UNC45A: variants seen among roughly 807,000 people sequenced by gnomAD.
UNC45A encodes the protein unc-45 myosin chaperone A.
Under a neutral mutation model 103.2 loss-of-function variants are expected in UNC45A, and 78 were observed. That is an observed-to-expected ratio of 0.76 (90% CI 0.63 to 0.91). The LOEUF is 0.91. Among genes scored for constraint, UNC45A ranks in the 40% least tolerant of loss-of-function variants. The probability of loss-of-function intolerance (pLI) is 0.00; values close to 1 mark genes in which losing one functional copy is unlikely to be tolerated. For missense variants in UNC45A, 1,193 were observed against 1,224.8 expected (o/e 0.97, Z 0.39); for synonymous variants, 495 against 504.6 (o/e 0.98, Z 0.25).
At chr15:90,952,690 G>C in intron 17 of UNC45A, 1 of 508,504 alleles carries the variant, frequency 2.0e-6, no homozygotes, top group African/African-American at 1.9e-5. Flanking sequence ...CTTCCAGAGT[G>C]CTGGGATTAC....
chr15:90,939,890 G>C, intron 5 of UNC45A, 67 bp downstream of exon 5: 2 of 1,352,382 alleles, frequency 1.5e-6, no homozygotes, highest in African/African-American at 1.8e-5. Context: ...GGCCCCCGAA[G>C]CCACTGCTGC....
At position 90,953,296 on chromosome 15, in the gene UNC45A, CG is replaced by C; in HGVS notation, c.2564del (p.Arg855ProfsTer5). On this transcript the variant is annotated frameshift_variant, in exon 19 of 20. Transcript: ENST00000418476. LOFTEE classifies it high-confidence loss of function. Reference sequence around the variant, plus strand: ...CTCCATGCGGCCCACGCTCTGCAGCCGCATTCCCCAAGTGGTCAGTGCCTCT... The same window carrying C: ...CTCCATGCGGCCCACGCTCTGCAGCCCATTCCCCAAGTGGTCAGTGCCTCT... ...LTSMRPTLCS[R>X]IPQVTTHWLE... The C allele has an allele frequency of 6.2e-7, 1 of 1,609,718 alleles. No individual in the cohort carries two copies. The highest frequency in any genetic ancestry group is 1.1e-5 in the South Asian group (1 of 90,506).
rs374140812 is a variant in UNC45A, at chr15:90,935,380, G to A, written c.51+5G>A. 2.9e-4 allele frequency: 459 copies of A among 1,592,300 alleles called. 1 individual carries two copies. Among genetic ancestry groups the A allele is most frequent in the Non-Finnish European group, 7.1e-5 (83 of 1,169,758 alleles). On this transcript the variant is annotated splice_donor_5th_base_variant and intron_variant, in intron 1 of 19. Transcript: ENST00000418476. ...CCCCGGCCGGCCACCCCCGGGGTGC[G>A]TACCCAACCCCCGCGCCATCACCCC...
chr15:90,947,716 G>A (rs2036644927), intron 10 of UNC45A, 80 bp from the exon 11 acceptor site: 1 of 1,003,268 alleles, frequency 1.0e-6, no homozygotes, highest in African/African-American at 1.6e-5. Context: ...GTGCCAGGGA[G>A]GGAGTCCAAG....
In UNC45A at chr15:90,940,602, AC is replaced by A. The variant is rs2036244994; in HGVS notation, c.687+133del. On this transcript the variant is annotated intron_variant, in intron 6 of 19. Coordinates refer to ENST00000418476, the MANE Select transcript of UNC45A (RefSeq NM_018671.5). Reference sequence around the variant, plus strand: ...CCATCCATCCACTCTTCCACCCTCTACCCCTTACCTTATTCTAAAAAGAACT... The same window carrying A: ...CCATCCATCCACTCTTCCACCCTCTACCCTTACCTTATTCTAAAAAGAACT... 5 of 1,193,804 alleles carry A rather than the reference AC, an allele frequency of 4.2e-6. No homozygotes were observed. In the South Asian group the frequency reaches 8.6e-5, roughly 21 times the overall value. 74.0% of individuals were successfully genotyped at this position (1,193,804 alleles called of 1,614,324 possible). A position where few individuals can be genotyped will look rare whatever the true frequency, so the allele number is the denominator to read the frequency against.
intron 3 of UNC45A, 116 bp from the exon 4 acceptor site, chr15:90,936,169 A>G: frequency 1.3e-6 from 2 of 1,520,256 alleles, no homozygotes; most frequent in South Asian, 2.7e-5. Flanking sequence ...TGAAGCACCG[A>G]GCCCCACATT....
In UNC45A at chr15:90,949,309, C is replaced by A; in HGVS notation, c.1879-7C>A. ...AGGCCCCTCTCCTAAGCTGCCTCCT[C>A]CCCCAGGACAAGCCAAGCTTCGTGC... On this transcript the variant is annotated splice_polypyrimidine_tract_variant and splice_region_variant and intron_variant, in intron 13 of 19. Transcript: ENST00000418476. The A allele has an allele frequency of 6.2e-7, 1 of 1,610,272 alleles. No homozygotes were observed. The highest frequency in any genetic ancestry group is 1.1e-5 in the South Asian group (1 of 91,036).
intron 18 of UNC45A, 52 bp downstream of exon 18, chr15:90,953,098 GC>G: frequency 6.2e-7 from 1 of 1,613,354 alleles, no homozygotes. Flanking sequence ...AGGTACCTGT[GC>G]CCTGGCTGGG....
In UNC45A at chr15:90,942,579, G is replaced by A. The variant is rs1459316412; in HGVS notation, c.830G>A (p.Arg277Gln). 8.7e-6 allele frequency: 14 copies of A among 1,614,042 alleles called. No homozygotes were observed. The highest frequency in any genetic ancestry group is 1.7e-5 in the Admixed American group (1 of 60,006). ...ALKEGVKKGF[R>Q]GKEGAIIVDP... ...AAGGAAGGTGTCAAAAAAGGCTTCC[G>A]AGGCAAAGAAGGTGCCATCATTGTG... Residue 277 changes from arginine (R) to glutamine (Q), a missense_variant, in exon 7 of 20, where the codon CGA becomes CAA. Physicochemically the swap from Arg to Gln is conservative, Grantham distance 43. Transcript: ENST00000418476.
chr15:90,935,497 T>C, intron 1 of UNC45A, 47 bp from the exon 2 acceptor site: 1 of 1,574,808 alleles, frequency 6.3e-7, no homozygotes. Context: ...GCTCCCGGGC[T>C]CTGCCCCGAA....
intron 9 of UNC45A, 133 bp from the exon 10 acceptor site, chr15:90,946,481 G>C (rs2036574930): frequency 9.8e-7 from 1 of 1,019,960 alleles, no homozygotes; most frequent in Non-Finnish European, 1.4e-6. Context: ...AAACGTCCTA[G>C]TCCTCCCATT....
Position 90,946,690 on chromosome 15 carries a change from T to C in UNC45A, c.1276T>C (p.Cys426Arg), listed in dbSNP as rs1432161498. The C allele has an allele frequency of 1.1e-5, 18 of 1,612,546 alleles. No homozygotes were observed. In the East Asian group the frequency reaches 1.8e-4, roughly 16 times the overall value. ...GGTGTCCTGCCTCCTGCAGGGCCCA[T>C]GTGACGCTGGCAACCGGGCCTTGGA... ...QTVSCLLQGP[C>R]DAGNRALELS... The change falls in exon 10 of 20, where the codon TGT becomes CGT. Residue 426 changes from cysteine (C) to arginine (R), a missense_variant. Cys to Arg is a radical substitution (Grantham distance 180, BLOSUM62 -3). Transcript: ENST00000418476.
rs758739072 is a variant in UNC45A, at chr15:90,935,954, C to A, written c.222C>A (p.Tyr74Ter). Reference sequence around the variant, plus strand: ...CTGTCTTTCTCTTACAGGAAGATTACGACAAAGCAGAAACAGAGGCATCCA... The same window carrying A: ...CTGTCTTTCTCTTACAGGAAGATTAAGACAAAGCAGAAACAGAGGCATCCA... ...RAACHLKLED[Y>*]DKAETEASKA... Residue 74 changes from tyrosine (Y) to a stop codon, truncating the protein, a stop_gained, in exon 3 of 20, where the codon TAC becomes TAA. Coordinates refer to ENST00000418476, the MANE Select transcript of UNC45A (RefSeq NM_018671.5). LOFTEE classifies it high-confidence loss of function. The A allele has an allele frequency of 6.2e-7, 1 of 1,614,012 alleles. No homozygotes were observed. Among genetic ancestry groups the A allele is most frequent in the South Asian group, 1.1e-5 (1 of 91,070 alleles).
In UNC45A at chr15:90,949,854, G is replaced by A. The variant is rs184734612; in HGVS notation, c.2073+134G>A. On this transcript the variant is annotated intron_variant, in intron 15 of 19. Transcript: ENST00000418476. ...TTAATGGCCAGAGGAACACCGTCCCGCTGAGAGAGTGACGCGGAAGCAGGC... is the reference window on the plus strand; with the variant it reads ...TTAATGGCCAGAGGAACACCGTCCCACTGAGAGAGTGACGCGGAAGCAGGC... The A allele has an allele frequency of 7.6e-5, 75 of 981,600 alleles. 1 individual carries two copies. The highest frequency in any genetic ancestry group is 2.0e-4 in the East Asian group (8 of 40,134). 60.8% of individuals were successfully genotyped at this position (981,600 alleles called of 1,614,324 possible). A position where few individuals can be genotyped will look rare whatever the true frequency, so the allele number is the denominator to read the frequency against.
upstream of UNC45A, chr15:90,934,915 G>A (rs2035924484): frequency 2.3e-6 from 1 of 438,120 alleles, no homozygotes; most frequent in Non-Finnish European, 4.0e-6. Flanking sequence ...GGTCGGGGCC[G>A]GGATCCAGAT....
At chr15:90,947,441 G>C (rs1478302932) in intron 10 of UNC45A, 3 of 302,992 alleles carry the variant, frequency 9.9e-6, no homozygotes, top group Non-Finnish European at 1.9e-5. Context: ...GGCTGTGGCT[G>C]AAGCACCTGT....
In UNC45A at chr15:90,953,599, G is replaced by A. The variant is rs2037057626; in HGVS notation, c.2718G>A (p.Met906Ile). ...IASTLMESEM[M>I]EILSVLAKGD... ...GCACCCTGATGGAGAGTGAGATGAT[G>A]GAGATCTTGTCAGTGCTAGCTAAGG... Residue 906 changes from methionine (M) to isoleucine (I), a missense_variant, in exon 20 of 20, where the codon ATG becomes ATA. Transcript: ENST00000418476. 1.2e-6 allele frequency: 2 copies of A among 1,614,034 alleles called. No individual in the cohort carries two copies. The highest frequency in any genetic ancestry group is 1.3e-5 in the African/African-American group (1 of 74,940).
At position 90,948,121 on chromosome 15, in the gene UNC45A, C is replaced by T. The variant is rs533373958; in HGVS notation, c.1596-21C>T. On this transcript the variant is annotated intron_variant, in intron 11 of 19. Coordinates refer to ENST00000418476, the MANE Select transcript of UNC45A (RefSeq NM_018671.5). ...CGTACCCCCAATCCTGAGGGTCGTC[C>T]ACTATCCTGCGTGTCCCCAGGTGGC... 72 of 1,613,468 alleles carry T rather than the reference C, an allele frequency of 4.5e-5. 3 individuals are homozygous for T. The South Asian group carries it at 5.6e-4, about 13-fold the overall frequency.
chr15:90,953,012 C>T lies in UNC45A; in HGVS notation c.2387C>T (p.Thr796Met), dbSNP rs8041035. 0.034 allele frequency: 54,875 copies of T among 1,613,534 alleles called. 1,542 individuals are homozygous for T. Among genetic ancestry groups the T allele is most frequent in the African/African-American group, 0.13 (10,071 of 75,004 alleles). Residue 796 changes from threonine (T) to methionine (M), a missense_variant, in exon 18 of 20, where the codon ACG becomes ATG. Physicochemically the swap from Thr to Met is moderately conservative, Grantham distance 81. Coordinates refer to ENST00000418476, the MANE Select transcript of UNC45A (RefSeq NM_018671.5). Reference sequence around the variant, plus strand: ...CATGAGATGATCCGCCGGGCAGCCACGGAGTGCATGTGTAACTTGGCCATG... The same window carrying T: ...CATGAGATGATCCGCCGGGCAGCCATGGAGTGCATGTGTAACTTGGCCATG... ...EEHEMIRRAATECMCNLAMSK... is the reference protein window; with the variant it reads ...EEHEMIRRAAMECMCNLAMSK...
Sources: allele counts gnomAD v4.1 joint callset, GRCh38; gene constraint gnomAD v4.1.1; transcripts MANE v1.5; gene names NCBI Gene and HGNC (gene_info 2026-07-23, HGNC 2026-07-21).